Variants in GTPBP6 observed in about 807,000 individuals in gnomAD.
GTPBP6 encodes the protein putative GTP-binding protein 6.
GTPBP6 carries 33 observed loss-of-function variants against 28.9 expected under a neutral mutation model. The ratio of observed to expected loss-of-function variants is 1.14; its 90% CI spans 0.87 to 1.53. The LOEUF (loss-of-function observed/expected upper bound fraction) is 1.53, where lower values mean the gene tolerates loss of function less well. GTPBP6 is among the 40% of genes most tolerant of loss of function. The probability of loss-of-function intolerance (pLI) is 0.00; values close to 1 mark genes in which losing one functional copy is unlikely to be tolerated. For synonymous variants in GTPBP6, 231 were observed against 192.7 expected, an observed-to-expected ratio of 1.20 and a Z score of -1.65; for missense variants, 507 against 408.3, an observed-to-expected ratio of 1.24 and a Z score of -2.08.
chrX:305,288 G>T, intron 9 of GTPBP6, 91 bp from the exon 10 acceptor site: 5 of 1,022,024 alleles, frequency 4.9e-6, no homozygotes, highest in Non-Finnish European at 7.6e-6. Context: ...AAAGAGCTTA[G>T]CTCAAACCAT....
intron 4 of GTPBP6, among the ~76,000 whole-genome samples, 188 bp downstream of exon 4, chrX:314,702 T>A (rs2070395990): frequency 6.6e-6 from 1 of 152,162 alleles, no homozygotes; most frequent in African/African-American, 2.4e-5. Flanking sequence ...GGTCTCGATC[T>A]CGTGACCTCG....
At chrX:314,682 T>C (rs1412239823) in intron 4 of GTPBP6, among the ~76,000 whole-genome samples, 4 of 152,062 alleles carry the variant, frequency 2.6e-5, no homozygotes, top group Admixed American at 6.6e-5. Context: ...TTCACCGTGT[T>C]GGCCAGGATG....
At chrX:308,151 G>A (rs2070212210) in intron 7 of GTPBP6, among the ~76,000 whole-genome samples, 1 of 151,250 alleles carries the variant, frequency 6.6e-6, no homozygotes, top group Non-Finnish European at 1.5e-5. Flanking sequence ...TGCCATATAT[G>A]AGCACCCAAC....
chrX:311,164 AGTT>A (rs2070279548), intron 7 of GTPBP6, among the ~76,000 whole-genome samples: 2 of 84,978 alleles, frequency 2.4e-5, no homozygotes, highest in Non-Finnish European at 4.5e-5. Flanking sequence ...CCCAGGAGGC[AGTT>A]GTTGTTCCGG....
intron 1 of GTPBP6, among the ~76,000 whole-genome samples, chrX:317,659 G>C (rs1465612645): frequency 6.7e-6 from 1 of 150,176 alleles, no homozygotes; most frequent in South Asian, 2.1e-4. Context: ...CAAGAGAAAC[G>C]TAGGTCCCAT....
chrX:312,850 G>C (rs1174696547), exon 6 of GTPBP6: 2 of 1,612,842 alleles, frequency 1.2e-6, no homozygotes, highest in Non-Finnish European at 1.7e-6. Flanking sequence ...TTCTTGCGAA[G>C]CCTGTCCAAG....
chrX:310,961 C>T (rs9652791), intron 7 of GTPBP6, among the ~76,000 whole-genome samples: 56,799 of 151,572 alleles, frequency 0.37, 11,083 homozygotes, highest in South Asian at 0.56. Flanking sequence ...GGGTCTGTGA[C>T]GTGGAGCAGG....
intron 1 of GTPBP6, among the ~76,000 whole-genome samples, chrX:317,307 C>T (rs2070456069): frequency 6.6e-6 from 1 of 151,860 alleles, no homozygotes; most frequent in East Asian, 1.9e-4. Context: ...GCGGGCGCAG[C>T]AGGGAACCCG....
intron 2 of GTPBP6, 71 bp from the exon 3 acceptor site, chrX:315,370 AC>A (rs2070410729): frequency 2.5e-6 from 1 of 398,222 alleles, no homozygotes; most frequent in Admixed American, 4.4e-5. Context: ...AGCCCACCAT[AC>A]CCTTTGTGGG....
intron 9 of GTPBP6, among the ~76,000 whole-genome samples, chrX:305,654 C>T (rs1279328533): frequency 7.1e-6 from 1 of 141,832 alleles, no homozygotes; most frequent in African/African-American, 2.7e-5. Flanking sequence ...GAGACAGAGT[C>T]TCGCTCTGTC....
At chrX:305,890 T>C (rs1485358723) in intron 9 of GTPBP6, among the ~76,000 whole-genome samples, 2 of 152,100 alleles carry the variant, frequency 1.3e-5, no homozygotes, top group Non-Finnish European at 2.9e-5. Context: ...TCCCAACGTG[T>C]TGGGATTACA....
At position 312,922 on chromosome X, in the gene GTPBP6, C is replaced by T. The variant is rs765935560; in HGVS notation, c.760G>A (p.Glu254Lys). The T allele has an allele frequency of 1.4e-5, 22 of 1,610,264 alleles. No individual in the cohort carries two copies. The African/African-American group carries it at 2.7e-4, about 20-fold the overall frequency. The change falls in exon 6 of 10, where the codon GAA (glutamate) becomes AAA (lysine). Residue 254 changes from glutamate (E) to lysine (K), a missense_variant and splice_region_variant. Glu to Lys is a moderately conservative substitution (Grantham distance 56). Transcript: ENST00000326153. ...CGCTGCTGCAGCTGCATGAAGGATT[C>T]TCCTAAAAGACACCCGAGATGGTGA...
exon 10 of GTPBP6, chrX:305,035 A>G: frequency 6.2e-7 from 1 of 1,606,774 alleles, no homozygotes; most frequent in East Asian, 2.2e-5. Context: ...CTCCCCAGGC[A>G]GCGATGCCCC....
chrX:308,293 TACAG>T (rs981098403), intron 7 of GTPBP6, among the ~76,000 whole-genome samples: 2 of 152,058 alleles, frequency 1.3e-5, no homozygotes, highest in African/African-American at 4.8e-5. Context: ...AAAAAAATCT[TACAG>T]GCAGGCTCCT....
At chrX:316,970 G>T in exon 2 of GTPBP6, 1 of 398,686 alleles carries the variant, frequency 2.5e-6, no homozygotes, top group Non-Finnish European at 4.4e-6. Flanking sequence ...CGGCGTTTTG[G>T]TGGACACGAC....
intron 9 of GTPBP6, among the ~76,000 whole-genome samples, chrX:306,627 T>C (rs1172438083): frequency 2.0e-5 from 3 of 150,698 alleles, no homozygotes; most frequent in Non-Finnish European, 4.4e-5. Flanking sequence ...GAAATGTACA[T>C]TTTGACTGTC....
intron 9 of GTPBP6, among the ~76,000 whole-genome samples, chrX:306,048 G>A (rs911950110): frequency 1.3e-5 from 2 of 152,234 alleles, no homozygotes; most frequent in Non-Finnish European, 1.5e-5. Flanking sequence ...ACAGGCCTGT[G>A]CCACGGCATC....
intron 7 of GTPBP6, 98 bp from the exon 8 acceptor site, chrX:307,978 C>A: frequency 8.9e-7 from 1 of 1,122,840 alleles, no homozygotes; most frequent in Non-Finnish European, 1.2e-6. Context: ...GAGCTCCCAA[C>A]GACAGGCTGG....
At chrX:311,737 C>T (rs1286513928) in intron 6 of GTPBP6, 110 bp from the exon 7 acceptor site, 2 of 887,448 alleles carry the variant, frequency 2.3e-6, no homozygotes, top group South Asian at 1.4e-5. Context: ...GGGGCCGCAC[C>T]CCGGGCTACA....
Sources: gnomAD v4.1 joint callset for allele counts (sites outside exome capture counted in the v4.1 genomes callset) on GRCh38, gnomAD v4.1.1 for gene constraint, MANE v1.5 for transcripts, NCBI Gene and HGNC (gene_info 2026-07-23, HGNC 2026-07-21) for gene names.